RIMS2: variants seen among roughly 807,000 people sequenced by gnomAD.
The protein encoded by RIMS2 is regulating synaptic membrane exocytosis protein 2.
Under a neutral mutation model 174.4 loss-of-function variants are expected in RIMS2, and 59 were observed. That is an observed-to-expected ratio of 0.34 (90% CI 0.27 to 0.42). The LOEUF (loss-of-function observed/expected upper bound fraction) is 0.42, where lower values mean the gene tolerates loss of function less well. RIMS2 is among the 10% of genes least tolerant of loss of function. RIMS2 has a pLI of 1.00. For missense variants in RIMS2, 1,620 were observed against 1,666.3 expected, an observed-to-expected ratio of 0.97 and a Z score of 0.48; for synonymous variants, 606 against 572.5, an observed-to-expected ratio of 1.06 and a Z score of -0.84.
chr8:103,760,849 T>C (rs1339441316), intron 2 of RIMS2, among the ~76,000 whole-genome samples: 1 of 152,238 alleles, frequency 6.6e-6, no homozygotes, highest in Non-Finnish European at 1.5e-5. Context: ...ATTTGGCATA[T>C]AGTAGCCATT....
At chr8:104,235,014 CTG>C (rs2139482758) in intron 19 of RIMS2, among the ~76,000 whole-genome samples, 1 of 152,228 alleles carries the variant, frequency 6.6e-6, no homozygotes, top group African/African-American at 2.4e-5. Flanking sequence ...TAGGGAATAA[CTG>C]TTTCTAGCAC....
At chr8:103,536,074 T>G (rs1213051081) in intron 1 of RIMS2, among the ~76,000 whole-genome samples, 3 of 152,150 alleles carry the variant, frequency 2.0e-5, no homozygotes, top group Non-Finnish European at 4.4e-5. Context: ...GTAGTTTGGG[T>G]CACCTCTGAC....
Position 103,885,660 on chromosome 8 carries a change from G to A in RIMS2, c.1061G>A (p.Arg354Gln), listed in dbSNP as rs747383172. Reference sequence around the variant, plus strand: ...CCACAACCCTATGAAGAACAAATGCGGATCCATGCTGAAGTGTCCCGAGCA... The same window carrying A: ...CCACAACCCTATGAAGAACAAATGCAGATCCATGCTGAAGTGTCCCGAGCA... The change falls in exon 4 of 24, where the codon CGG becomes CAG. Residue 354 changes from arginine (R) to glutamine (Q), a missense_variant. Physicochemically the swap from Arg to Gln is conservative, Grantham distance 43. Around this residue, in one of 2 missense-constraint regions of RIMS2, gnomAD observed 1,395 missense variants for 1,360.1 expected, o/e 1.03. Coordinates refer to ENST00000504942, the Ensembl canonical transcript of RIMS2. The A allele has an allele frequency of 6.8e-6, 11 of 1,612,890 alleles. No homozygotes were observed. Among genetic ancestry groups the A allele is most frequent in the Admixed American group, 3.3e-5 (2 of 59,804 alleles).
intron 19 of RIMS2, among the ~76,000 whole-genome samples, chr8:104,180,404 A>G (rs2098933178): frequency 6.8e-6 from 1 of 146,436 alleles, no homozygotes; most frequent in Non-Finnish European, 1.5e-5. Context: ...ACAAATTTTC[A>G]TTTTCATTTT....
chr8:103,910,068 T>C, intron 4 of RIMS2: 2 of 946,584 alleles, frequency 2.1e-6, no homozygotes, highest in Non-Finnish European at 1.7e-6. Context: ...AAAATGTTTA[T>C]AATGTCTCTG....
At chr8:104,036,239 C>G (rs1030751603) in intron 19 of RIMS2, among the ~76,000 whole-genome samples, 1 of 151,962 alleles carries the variant, frequency 6.6e-6, no homozygotes, top group African/African-American at 2.4e-5. Flanking sequence ...CAAGCTCCGC[C>G]TCCTGGGTTC....
chr8:103,845,589 A>G (rs966726730), intron 3 of RIMS2, among the ~76,000 whole-genome samples: 6 of 152,160 alleles, frequency 3.9e-5, no homozygotes, highest in African/African-American at 1.4e-4. Context: ...AACTGGCAGA[A>G]ACTAGTACCC....
intron 3 of RIMS2, chr8:103,819,668 AT>A: frequency 6.7e-7 from 1 of 1,487,048 alleles, no homozygotes. Flanking sequence ...TAATATTGTT[AT>A]TTTCAGAATA....
At chr8:103,958,855 C>T (rs72681402) in intron 14 of RIMS2, among the ~76,000 whole-genome samples, 19,338 of 152,018 alleles carry the variant, frequency 0.13, 1,700 homozygotes, top group Non-Finnish European at 0.19. Context: ...CCAAAGACCA[C>T]GAAGAGGAGC....
At chr8:103,606,961 C>G (rs1320467254) in intron 1 of RIMS2, among the ~76,000 whole-genome samples, 1 of 151,962 alleles carries the variant, frequency 6.6e-6, no homozygotes, top group East Asian at 1.9e-4. Context: ...ATCCAATTTG[C>G]CAGTCTGTGT....
At chr8:103,559,335 C>T in intron 1 of RIMS2, 1 of 228,976 alleles carries the variant, frequency 4.4e-6, no homozygotes. Context: ...CCCATAACTT[C>T]CTTCTCCTTT....
intron 1 of RIMS2, among the ~76,000 whole-genome samples, chr8:103,623,958 A>G (rs1161627910): frequency 6.6e-6 from 1 of 152,160 alleles, no homozygotes; most frequent in Non-Finnish European, 1.5e-5. Flanking sequence ...GAAATTTAAG[A>G]GGGAAAAAAT....
chr8:103,687,745 A>C (rs2096960098), intron 1 of RIMS2, among the ~76,000 whole-genome samples: 1 of 152,084 alleles, frequency 6.6e-6, no homozygotes, highest in Admixed American at 6.6e-5. Flanking sequence ...TTCACATGTA[A>C]ATGAAATCAT....
intron 19 of RIMS2, among the ~76,000 whole-genome samples, chr8:104,224,840 G>C (rs529741749): frequency 1.3e-5 from 2 of 152,292 alleles, no homozygotes; most frequent in South Asian, 4.1e-4. Flanking sequence ...TGTCTGGAAA[G>C]TTGTCTTCAA....
At chr8:104,249,550 G>A (rs779912576) in exon 22 of RIMS2, 18 of 1,611,792 alleles carry the variant, frequency 1.1e-5, no homozygotes, top group East Asian at 4.5e-5. Context: ...ATCCGGGCCC[G>A]TGGCCTTGTT....
intron 19 of RIMS2, among the ~76,000 whole-genome samples, chr8:104,158,741 G>C (rs932059619): frequency 1.3e-5 from 2 of 151,932 alleles, no homozygotes; most frequent in African/African-American, 2.4e-5. Context: ...TTTCTGATGG[G>C]GTTGTTTTTT....
At chr8:103,658,738 T>C (rs553441377) in intron 1 of RIMS2, among the ~76,000 whole-genome samples, 7 of 152,296 alleles carry the variant, frequency 4.6e-5, no homozygotes, top group Non-Finnish European at 8.8e-5. Flanking sequence ...TCATGAAGTG[T>C]CCAGGACAGT....
chr8:103,570,279 A>G (rs2092711339), intron 1 of RIMS2, among the ~76,000 whole-genome samples: 1 of 152,184 alleles, frequency 6.6e-6, no homozygotes, highest in African/African-American at 2.4e-5. Context: ...CACATTCTCC[A>G]CAAAGAATAG....
At chr8:104,017,198 A>G (rs945377421) in intron 19 of RIMS2, among the ~76,000 whole-genome samples, 1 of 151,962 alleles carries the variant, frequency 6.6e-6, no homozygotes, top group Non-Finnish European at 1.5e-5. Flanking sequence ...GTTAATCTTC[A>G]GTAAGTAACA....
Sources: allele counts gnomAD v4.1 joint callset (sites outside exome capture counted in the v4.1 genomes callset), GRCh38; gene constraint gnomAD v4.1.1; regional missense constraint gnomAD v4.1.1; transcripts MANE v1.5; gene names NCBI Gene and HGNC (gene_info 2026-07-23, HGNC 2026-07-21).